RCOR3: variants seen among roughly 807,000 people sequenced by gnomAD.
RCOR3 encodes the protein REST corepressor 3.
Under a neutral mutation model 64.1 loss-of-function variants are expected in RCOR3, and 13 were observed. The ratio of observed to expected loss-of-function variants is 0.20; its 90% CI spans 0.13 to 0.32. The LOEUF (loss-of-function observed/expected upper bound fraction) is 0.32, where lower values mean the gene tolerates loss of function less well. Ranked by LOEUF, RCOR3 falls within the 10% of genes least tolerant of loss-of-function variation. The pLI is 1.00. For synonymous variants in RCOR3, 215 were observed against 239.0 expected, an observed-to-expected ratio of 0.90 and a Z score of 0.93; for missense variants, 489 against 701.2, an observed-to-expected ratio of 0.70 and a Z score of 3.42.
At chr1:211,272,637 T>TTTTTC (rs1696381428) in intron 3 of RCOR3, among the ~76,000 whole-genome samples, 2 of 134,406 alleles carry the variant, frequency 1.5e-5, no homozygotes, top group Non-Finnish European at 3.2e-5. Flanking sequence ...TTTTTTTTTT[T>TTTTTC]TTGAGACGGA....
chr1:211,263,184 C>G (rs919484925), intron 2 of RCOR3, among the ~76,000 whole-genome samples: 2 of 151,726 alleles, frequency 1.3e-5, no homozygotes, highest in East Asian at 1.9e-4. Flanking sequence ...CATCCACGTC[C>G]CTACAAAGGA....
intron 8 of RCOR3, among the ~76,000 whole-genome samples, chr1:211,290,684 A>C (rs534497165): frequency 5.1e-4 from 77 of 151,998 alleles, no homozygotes; most frequent in Non-Finnish European, 8.4e-4. Flanking sequence ...CCTCTTGTTG[A>C]TTCTTTCTAT....
intron 2 of RCOR3, chr1:211,261,178 T>A (rs1162220282): frequency 6.6e-5 from 10 of 152,202 alleles, no homozygotes; most frequent in African/African-American, 2.2e-4. Context: ...GATTTCTATG[T>A]TAGATATTAA....
chr1:211,313,361 A>G lies in RCOR3; in HGVS notation c.1318-63A>G, dbSNP rs991662016. 3.3e-6 allele frequency: 5 copies of G among 1,538,080 alleles called. No homozygotes were observed. The highest frequency in any genetic ancestry group is 2.0e-5 in the Admixed American group (1 of 49,446). On this transcript the variant is annotated intron_variant, in intron 11 of 11. Coordinates refer to ENST00000419091, the MANE Select transcript of RCOR3 (RefSeq NM_001136223.3). This position sits in a 1 kb window ranked among gnomAD's most constrained non-coding sequence, Gnocchi z 4.7. ...TGTTTTTCCTGTGACAGCCCAAACT[A>G]TATTGTATTAAGTTCATTAGGACTT...
Position 211,315,021 on chromosome 1 carries a change from GTCT to G in RCOR3, c.*1258_*1260del, listed in dbSNP as rs777535721. The G allele has an allele frequency of 6.6e-6, 1 of 152,134 alleles. No individual in the cohort carries two copies. The highest frequency in any genetic ancestry group is 2.1e-4 in the South Asian group (1 of 4,832). The allele number at this position is 152,134 out of a possible 1,614,324, so 9.4% of individuals were successfully genotyped here. A position where few individuals can be genotyped will look rare whatever the true frequency, so the allele number is the denominator to read the frequency against. On this transcript the variant is annotated 3_prime_UTR_variant, in exon 12 of 12. Coordinates refer to ENST00000419091, the MANE Select transcript of RCOR3 (RefSeq NM_001136223.3). ...TTATAGAAAAACAAAAAGACATCAA[GTCT>G]TCTTAATTCAACCCATAATCATTAA...
intron 10 of RCOR3, among the ~76,000 whole-genome samples, chr1:211,305,271 A>G (rs1700747072): frequency 6.6e-6 from 1 of 152,188 alleles, no homozygotes; most frequent in Admixed American, 6.5e-5. Flanking sequence ...AATTGATACT[A>G]TGACACAGGG....
At chr1:211,305,451 C>G (rs1199481381) in intron 10 of RCOR3, among the ~76,000 whole-genome samples, 1 of 152,038 alleles carries the variant, frequency 6.6e-6, no homozygotes, top group Non-Finnish European at 1.5e-5. Flanking sequence ...CTTTATATTC[C>G]TTTAGAGCAA....
chr1:211,307,999 C>T (rs565912617), intron 10 of RCOR3, among the ~76,000 whole-genome samples: 1 of 150,814 alleles, frequency 6.6e-6, no homozygotes, highest in South Asian at 2.1e-4. Context: ...ATTGTCTTCT[C>T]TCTTGTACTA....
intron 10 of RCOR3, 57 bp downstream of exon 10, chr1:211,304,197 G>T: frequency 7.9e-7 from 1 of 1,266,608 alleles, no homozygotes; most frequent in Non-Finnish European, 1.1e-6. Context: ...GTCATGAAAG[G>T]TGACTACTCT....
intron 2 of RCOR3, among the ~76,000 whole-genome samples, chr1:211,265,069 G>A (rs1004543423): frequency 6.6e-6 from 1 of 152,212 alleles, no homozygotes; most frequent in Non-Finnish European, 1.5e-5. Context: ...GAAAATTAAT[G>A]TGTGTAAAGT....
chr1:211,276,763 A>G (rs1411178496), intron 5 of RCOR3, among the ~76,000 whole-genome samples: 5 of 152,152 alleles, frequency 3.3e-5, no homozygotes, highest in Non-Finnish European at 7.4e-5. Flanking sequence ...TCCAATTTAT[A>G]TATTTTTGGA....
intron 9 of RCOR3, 29 bp from the exon 10 acceptor site, chr1:211,304,054 C>G: frequency 6.5e-7 from 1 of 1,546,666 alleles, no homozygotes; most frequent in Non-Finnish European, 8.8e-7. Context: ...TTCATATCCT[C>G]ATTAGGAAAC....
intron 9 of RCOR3, chr1:211,302,584 C>T (rs542403055): frequency 5.7e-4 from 87 of 152,266 alleles, no homozygotes; most frequent in African/African-American, 2.0e-3. Context: ...GTATTAAACA[C>T]GTCATTAACT....
At chr1:211,265,411 T>G (rs554774063) in intron 2 of RCOR3, among the ~76,000 whole-genome samples, 17 of 152,300 alleles carry the variant, frequency 1.1e-4, no homozygotes, top group African/African-American at 4.1e-4. Flanking sequence ...ATATAATTTT[T>G]TTTGTGCTTT....
rs920129426 is a variant in RCOR3, at chr1:211,260,188, A to G, written c.223+24A>G. On this transcript the variant is annotated intron_variant, in intron 2 of 11. Coordinates refer to ENST00000419091, the MANE Select transcript of RCOR3 (RefSeq NM_001136223.3). ...AGGTAGATATATTTGCTTAAGCAAA[A>G]TCTCATATCCCCTTTCCTGGGCTTG... 1.9e-6 allele frequency: 3 copies of G among 1,606,130 alleles called. No individual in the cohort carries two copies. The South Asian group carries it at 3.3e-5, about 18-fold the overall frequency.
At chr1:211,278,610 T>G (rs922095934) in intron 6 of RCOR3, among the ~76,000 whole-genome samples, 1 of 152,182 alleles carries the variant, frequency 6.6e-6, no homozygotes, top group Admixed American at 6.5e-5. Flanking sequence ...TTGTCTGTCT[T>G]TATTCTCCAA....
chr1:211,268,607 C>T lies in RCOR3; in HGVS notation c.224-2625C>T, dbSNP rs538364990. 1.7e-3 allele frequency among the ~76,000 whole-genome samples: 251 copies of T among 151,980 alleles called. 1 individual carries two copies. The highest frequency in any genetic ancestry group is 5.9e-3 in the African/African-American group (244 of 41,482). On this transcript the variant is annotated intron_variant, in intron 2 of 11. Coordinates refer to ENST00000419091, the MANE Select transcript of RCOR3 (RefSeq NM_001136223.3). ...GGTCATGCTGGTCTCGAACTCCCGACCTCAGGTGATCCGTCCACCTCGGCC... is the reference window on the plus strand; with the variant it reads ...GGTCATGCTGGTCTCGAACTCCCGATCTCAGGTGATCCGTCCACCTCGGCC...
intron 10 of RCOR3, among the ~76,000 whole-genome samples, chr1:211,310,837 C>G (rs1701403792): frequency 6.6e-6 from 1 of 152,182 alleles, no homozygotes; most frequent in African/African-American, 2.4e-5. Context: ...CCTAGGAATA[C>G]AGTCTAATCC....
At chr1:211,268,737 ATTCTC>A (rs1695659770) in intron 2 of RCOR3, among the ~76,000 whole-genome samples, 1 of 152,096 alleles carries the variant, frequency 6.6e-6, no homozygotes, top group Admixed American at 6.6e-5. Context: ...ATTTTCCTAA[ATTCTC>A]AGCTCATGCT....
Sources: allele counts gnomAD v4.1 joint callset (sites outside exome capture counted in the v4.1 genomes callset), GRCh38; gene constraint gnomAD v4.1.1; non-coding constraint Gnocchi (gnomAD v3.1); transcripts MANE v1.5; gene names NCBI Gene and HGNC (gene_info 2026-07-23, HGNC 2026-07-21).